ST6GAL1: variants seen among roughly 807,000 people sequenced by gnomAD.
ST6GAL1 encodes the protein ST6 beta-galactoside alpha-2,6-sialyltransferase 1.
In ST6GAL1, 20 loss-of-function variants were observed where a neutral mutation model predicts 38.0. That is an observed-to-expected ratio of 0.53 (90% CI 0.37 to 0.77). The LOEUF (loss-of-function observed/expected upper bound fraction) is 0.77. ST6GAL1 is among the 30% of genes least tolerant of loss of function. The pLI, the probability that ST6GAL1 is intolerant of heterozygous loss-of-function variation, is 0.00. For missense variants in ST6GAL1, 432 were observed against 496.4 expected (o/e 0.87, Z 1.23); for synonymous variants, 196 against 188.2 (o/e 1.04, Z -0.34).
chr3:187,048,442 T>G (rs1718383822), intron 4 of ST6GAL1, among the ~76,000 whole-genome samples: 1 of 152,128 alleles, frequency 6.6e-6, no homozygotes, highest in Non-Finnish European at 1.5e-5. Context: ...TCTGAACCCT[T>G]CCCAAGGCTG....
chr3:186,996,606 T>C (rs1716417231), intron 2 of ST6GAL1: 1 of 152,298 alleles, frequency 6.6e-6, no homozygotes, highest in African/African-American at 2.4e-5. Context: ...ATGGGTGAGC[T>C]GGAGAACCTG....
chr3:186,947,895 C>T (rs1714435149), intron 1 of ST6GAL1, among the ~76,000 whole-genome samples: 1 of 152,228 alleles, frequency 6.6e-6, no homozygotes, highest in African/African-American at 2.4e-5. Context: ...TTCAAGCACC[C>T]ACAGGTGTCT....
At chr3:187,044,045 A>C (rs1303513725) in intron 4 of ST6GAL1, among the ~76,000 whole-genome samples, 1 of 152,178 alleles carries the variant, frequency 6.6e-6, no homozygotes, top group East Asian at 1.9e-4. Flanking sequence ...GTGTCCGTGC[A>C]TTTTTCCAGG....
At chr3:187,060,269 C>T (rs59879406) in intron 5 of ST6GAL1, among the ~76,000 whole-genome samples, 27,733 of 151,972 alleles carry the variant, frequency 0.18, 5,367 homozygotes, top group African/African-American at 0.49. Context: ...CAAGCGATTC[C>T]CCTGCCTCAG....
rs539257386 is a variant in ST6GAL1, at chr3:187,070,513, C to T, written c.706-2336C>T. ...AATCTTGGCTCACGGCAACCTCCGC[C>T]TCCTGGGTTCAAGTGATTCTCCTGC... On this transcript the variant is annotated intron_variant, in intron 5 of 7. Coordinates refer to ENST00000169298, the MANE Select transcript of ST6GAL1 (RefSeq NM_173216.2). 8.2e-4 allele frequency among the ~76,000 whole-genome samples: 124 copies of T among 150,670 alleles called. 1 individual carries two copies. The highest frequency in any genetic ancestry group is 6.8e-3 in the Admixed American group (103 of 15,092).
Position 186,984,849 on chromosome 3 carries a change from T to C in ST6GAL1, c.-183+20923T>C, listed in dbSNP as rs865880214. 1.3e-3 allele frequency among the ~76,000 whole-genome samples: 142 copies of C among 106,578 alleles called. 2 individuals carry two copies. Among genetic ancestry groups the C allele is most frequent in the Admixed American group, 4.8e-3 (48 of 9,996 alleles). The allele number at this position is 106,578 out of a possible 152,430, so 69.9% of individuals were successfully genotyped here. A position where few individuals can be genotyped will look rare whatever the true frequency, so the allele number is the denominator to read the frequency against. ...CTTCCCTCCCTCCCTCCCTCCCTCCTTCCTTCCTTCCTTCCTTCCGTCCTT... is the reference window on the plus strand; with the variant it reads ...CTTCCCTCCCTCCCTCCCTCCCTCCCTCCTTCCTTCCTTCCTTCCGTCCTT... On this transcript the variant is annotated intron_variant, in intron 2 of 7. Coordinates refer to ENST00000169298, the MANE Select transcript of ST6GAL1 (RefSeq NM_173216.2).
chr3:187,026,861 C>T (rs1442802640), intron 2 of ST6GAL1, among the ~76,000 whole-genome samples: 3 of 151,972 alleles, frequency 2.0e-5, no homozygotes, highest in Non-Finnish European at 4.4e-5. Flanking sequence ...CTGGCTAACA[C>T]GGTGAAACCC....
intron 1 of ST6GAL1, among the ~76,000 whole-genome samples, chr3:186,948,320 A>G (rs964792438): frequency 2.0e-5 from 3 of 152,196 alleles, no homozygotes; most frequent in Admixed American, 6.5e-5. Context: ...GGCCAGCTTT[A>G]TTCTCCAGAA....
chr3:187,022,495 A>T (rs556679384), intron 2 of ST6GAL1, among the ~76,000 whole-genome samples: 1 of 152,248 alleles, frequency 6.6e-6, no homozygotes, highest in African/African-American at 2.4e-5. Flanking sequence ...ATGCCTGAGT[A>T]AGATAAGGAG....
chr3:187,024,006 C>A (rs1221707029), intron 2 of ST6GAL1, among the ~76,000 whole-genome samples: 2 of 151,826 alleles, frequency 1.3e-5, no homozygotes, highest in Non-Finnish European at 2.9e-5. Context: ...TTCCTCACCT[C>A]CAACTCCCTT....
intron 2 of ST6GAL1, among the ~76,000 whole-genome samples, chr3:187,011,828 G>A (rs1483794856): frequency 6.6e-6 from 1 of 152,198 alleles, no homozygotes; most frequent in Non-Finnish European, 1.5e-5. Context: ...TTAGGGAATT[G>A]GGTCATCTTA....
chr3:187,023,132 G>A (rs1186466762), intron 2 of ST6GAL1, among the ~76,000 whole-genome samples: 1 of 152,184 alleles, frequency 6.6e-6, no homozygotes, highest in African/African-American at 2.4e-5. Flanking sequence ...AGTCCATTCA[G>A]TTGGTTAGTG....
intron 2 of ST6GAL1, among the ~76,000 whole-genome samples, chr3:186,979,836 T>C (rs1450176272): frequency 6.6e-6 from 1 of 152,208 alleles, no homozygotes; most frequent in Admixed American, 6.5e-5. Flanking sequence ...TCGGGCACTT[T>C]AATTGCTAAT....
At chr3:187,038,090 C>T (rs1233999180) in intron 2 of ST6GAL1, among the ~76,000 whole-genome samples, 2 of 151,938 alleles carry the variant, frequency 1.3e-5, no homozygotes, top group Admixed American at 6.6e-5. Context: ...CCTAATTACT[C>T]CCTGTTTACC....
chr3:187,067,834 G>T (rs1171686477), intron 5 of ST6GAL1, among the ~76,000 whole-genome samples: 1 of 152,120 alleles, frequency 6.6e-6, no homozygotes, highest in Non-Finnish European at 1.5e-5. Context: ...CAATTCTCTT[G>T]TCTCTCTGGG....
intron 2 of ST6GAL1, among the ~76,000 whole-genome samples, chr3:187,026,041 G>C (rs1230663670): frequency 6.6e-6 from 1 of 152,178 alleles, no homozygotes; most frequent in African/African-American, 2.4e-5. Context: ...ATGCAGGTGG[G>C]CCTGTCCTCA....
intron 2 of ST6GAL1, among the ~76,000 whole-genome samples, chr3:187,018,579 A>G (rs1717193895): frequency 6.6e-6 from 1 of 152,126 alleles, no homozygotes; most frequent in Non-Finnish European, 1.5e-5. Flanking sequence ...AGGCTAAGGA[A>G]GTCTAGTCTA....
At chr3:186,992,212 T>C (rs1261778119) in intron 2 of ST6GAL1, among the ~76,000 whole-genome samples, 1 of 152,190 alleles carries the variant, frequency 6.6e-6, no homozygotes, top group Non-Finnish European at 1.5e-5. Context: ...AATTGAATCA[T>C]GGGGGCTGTT....
At chr3:186,974,429 G>C (rs11717461) in intron 2 of ST6GAL1, among the ~76,000 whole-genome samples, 9,869 of 152,116 alleles carry the variant, frequency 0.065, 406 homozygotes, top group South Asian at 0.11. Flanking sequence ...CATGGACCAT[G>C]GTGGTTTTGA....
Sources: gnomAD v4.1 joint callset for allele counts (sites outside exome capture counted in the v4.1 genomes callset) on GRCh38, gnomAD v4.1.1 for gene constraint, MANE v1.5 for transcripts, NCBI Gene and HGNC (gene_info 2026-07-23, HGNC 2026-07-21) for gene names.